DMD: variants seen among roughly 807,000 people sequenced by gnomAD.
DMD encodes the protein mutant dystrophin.
DMD carries 63 observed loss-of-function variants against 330.1 expected under a neutral mutation model. The observed-to-expected ratio is 0.19, with a 90% CI of 0.16 to 0.24. The LOEUF (loss-of-function observed/expected upper bound fraction) is 0.24, where lower values mean the gene tolerates loss of function less well. Ranked by LOEUF, DMD falls within the 10% of genes least tolerant of loss-of-function variation. DMD has a pLI of 1.00. For synonymous variants in DMD, 1,223 were observed against 959.8 expected (o/e 1.27, Z -5.07); for missense variants, 3,344 against 2,684.1 (o/e 1.25, Z -5.43).
intron 44 of DMD, among the ~76,000 whole-genome samples, chrX:32,210,731 T>C: frequency 8.9e-6 from 1 of 111,785 alleles, no homozygotes; most frequent in Admixed American, 9.6e-5. Flanking sequence ...GTCAGTGACC[T>C]ATGCACATCT....
Position 31,329,691 on chromosome X carries a change from G to A in DMD, c.9164-6033C>T, listed in dbSNP as rs916906031. 2.7e-5 allele frequency among the ~76,000 whole-genome samples: 3 copies of A among 110,329 alleles called. No homozygotes were observed. In the Admixed American group the frequency reaches 2.9e-4, roughly 11 times the overall value. On this transcript the variant is annotated intron_variant, in intron 61 of 78. Coordinates refer to ENST00000357033, the MANE Select transcript of DMD (RefSeq NM_004006.3). ...TAAGGGGATTAAGAGGGTCCACCTC[G>A]GCCGGGCGCGGTGGCTCACCCCTGT...
At chrX:32,695,800 A>G (rs1312971188) in intron 9 of DMD, among the ~76,000 whole-genome samples, 1 of 111,841 alleles carries the variant, frequency 8.9e-6, no homozygotes, top group South Asian at 3.7e-4. Context: ...AAGTACAGAG[A>G]TAAGAATGCC....
intron 2 of DMD, among the ~76,000 whole-genome samples, chrX:32,995,314 A>C (rs1306871201): frequency 8.9e-6 from 1 of 112,228 alleles, no homozygotes; most frequent in Non-Finnish European, 1.9e-5. Flanking sequence ...ATGTACATAG[A>C]AACTTTATCT....
chrX:32,189,627 ATTT>A (rs34255436), intron 44 of DMD, among the ~76,000 whole-genome samples: 47,788 of 104,742 alleles, frequency 0.46, 8,519 homozygotes, highest in East Asian at 0.86. Flanking sequence ...TACTTCTAGG[ATTT>A]TTTTTTTTTT....
At chrX:31,669,708 A>G (rs1008094858) in intron 53 of DMD, among the ~76,000 whole-genome samples, 9 of 111,146 alleles carry the variant, frequency 8.1e-5, no homozygotes, top group African/African-American at 2.9e-4. Flanking sequence ...TTGACTTAAT[A>G]ATTGTAGCTT....
At chrX:33,134,634 AGATAT>A (rs748253156) in intron 1 of DMD, among the ~76,000 whole-genome samples, 1 of 112,527 alleles carries the variant, frequency 8.9e-6, no homozygotes, top group African/African-American at 3.2e-5. Flanking sequence ...GTGAGGTGAT[AGATAT>A]GTTAGTCAGC....
At chrX:32,739,146 A>G (rs770042709) in intron 7 of DMD, among the ~76,000 whole-genome samples, 1 of 111,775 alleles carries the variant, frequency 8.9e-6, no homozygotes, top group Non-Finnish European at 1.9e-5. Context: ...CATTTTCTAG[A>G]TGAGGAAAAG....
chrX:31,397,134 G>A (rs2060982080), intron 60 of DMD, among the ~76,000 whole-genome samples: 1 of 112,167 alleles, frequency 8.9e-6, no homozygotes, highest in African/African-American at 3.2e-5. Context: ...GTTAATGACT[G>A]TTTTATCATA....
rs187202120 is a variant in DMD, at chrX:32,806,001, G to A, written c.649+3492C>T. Among the ~76,000 whole-genome samples, 5 of 111,683 alleles carry A rather than the reference G, an allele frequency of 4.5e-5. No individual in the cohort carries two copies. The East Asian group carries it at 1.1e-3, about 25-fold the overall frequency. ...AGCATACCAAATTGTAAACACCATCGACACCATGAAGAAACTGCATCAACT... is the reference window on the plus strand; with the variant it reads ...AGCATACCAAATTGTAAACACCATCAACACCATGAAGAAACTGCATCAACT... On this transcript the variant is annotated intron_variant, in intron 7 of 78. Coordinates refer to ENST00000357033, the MANE Select transcript of DMD (RefSeq NM_004006.3).
chrX:32,875,119 A>G (rs1319826598), intron 2 of DMD, among the ~76,000 whole-genome samples: 1 of 112,551 alleles, frequency 8.9e-6, no homozygotes, highest in African/African-American at 3.2e-5. Context: ...ATAGAAAACC[A>G]GAAGAGTATC....
chrX:32,531,138 A>G (rs903543773), intron 17 of DMD, among the ~76,000 whole-genome samples: 3 of 111,678 alleles, frequency 2.7e-5, no homozygotes, highest in Non-Finnish European at 5.6e-5. Flanking sequence ...GTCCAAAGAT[A>G]TAGATAAAAT....
chrX:32,178,571 T>C (rs1432551401), intron 44 of DMD, among the ~76,000 whole-genome samples: 4 of 110,635 alleles, frequency 3.6e-5, no homozygotes, highest in Non-Finnish European at 1.9e-5. Context: ...AATATATTAA[T>C]ATATTTTAAT....
chrX:31,370,959 C>A (rs924749470), intron 60 of DMD, among the ~76,000 whole-genome samples: 3 of 111,778 alleles, frequency 2.7e-5, no homozygotes, highest in African/African-American at 9.8e-5. Flanking sequence ...ATTCATATAA[C>A]ATTATTGAAA....
At chrX:32,574,875 T>C (rs1381892199) in intron 13 of DMD, among the ~76,000 whole-genome samples, 1 of 106,759 alleles carries the variant, frequency 9.4e-6, no homozygotes, top group Non-Finnish European at 1.9e-5. Flanking sequence ...CAAATGAAAT[T>C]AGCATCATGA....
rs749954389 is a variant in DMD at position 32,491,083 on chromosome X, A to G, written c.2622+194T>C. Among the ~76,000 whole-genome samples the G allele has an allele frequency of 2.7e-5, 3 of 112,744 alleles. No individual in the cohort carries two copies. In the East Asian group the frequency reaches 8.4e-4, roughly 31 times the overall value. On this transcript the variant is annotated intron_variant, in intron 20 of 78. Transcript: ENST00000357033. ...GCGCTGTGTAACTACGCCAAATACA[A>G]TTTTAGAATCCGGGTATCTACGTCT...
chrX:31,880,353 T>C (rs1338499361), intron 47 of DMD, among the ~76,000 whole-genome samples: 1 of 111,514 alleles, frequency 9.0e-6, no homozygotes. Flanking sequence ...ACTGGGAATA[T>C]TTGCAGCATA....
intron 57 of DMD, among the ~76,000 whole-genome samples, chrX:31,487,421 C>T (rs1020975610): frequency 6.3e-5 from 7 of 110,644 alleles, no homozygotes; most frequent in Non-Finnish European, 9.5e-5. Flanking sequence ...CTACCATGCC[C>T]GGCTAATTTT....
chrX:31,613,309 T>G (rs1002126546), intron 55 of DMD, among the ~76,000 whole-genome samples: 36 of 111,731 alleles, frequency 3.2e-4, no homozygotes, highest in Middle Eastern at 4.2e-3. Flanking sequence ...AGCTTTAATT[T>G]CTTGTCCCTT....
At chrX:31,529,661 G>T (rs939672297) in intron 55 of DMD, among the ~76,000 whole-genome samples, 2 of 111,959 alleles carry the variant, frequency 1.8e-5, no homozygotes, top group African/African-American at 6.5e-5. Flanking sequence ...TTCAGGGAAC[G>T]GAAAGCAGAG....
Sources: gnomAD v4.1 joint callset for allele counts (sites outside exome capture counted in the v4.1 genomes callset) on GRCh38, gnomAD v4.1.1 for gene constraint, MANE v1.5 for transcripts, NCBI Gene and HGNC (gene_info 2026-07-23, HGNC 2026-07-21) for gene names.